Variants in ESRRB observed in about 807,000 individuals in gnomAD.
ESRRB encodes steroid hormone receptor ERR2.
ESRRB carries 16 observed loss-of-function variants against 46.0 expected under a neutral mutation model. The ratio of observed to expected loss-of-function variants is 0.35; its 90% CI spans 0.24 to 0.53. The LOEUF is 0.53. Among genes scored for constraint, ESRRB ranks in the 20% least tolerant of loss-of-function variants. The pLI, the probability that ESRRB is intolerant of heterozygous loss-of-function variation, is 0.93. For synonymous variants in ESRRB, 246 were observed against 259.6 expected (o/e 0.95, Z 0.50); for missense variants, 488 against 607.4 (o/e 0.80, Z 2.07).
At chr14:76,356,536 GAT>G (rs1225752259) in intron 1 of ESRRB, among the ~76,000 whole-genome samples, 1 of 152,178 alleles carries the variant, frequency 6.6e-6, no homozygotes, top group African/African-American at 2.4e-5. Context: ...CCCACAGTCT[GAT>G]TCCTTCTAGC....
rs536006097 is a variant in ESRRB, at chr14:76,386,215, C to T, written c.50+9764C>T. ...ATAGGAAATTTTCCTCTGAACGAAT[C>T]CCTATATTTTCAGTAGGGCTGTCCA... On this transcript the variant is annotated intron_variant, in intron 1 of 6. Transcript: ENST00000644823. Among the ~76,000 whole-genome samples the T allele has an allele frequency of 2.6e-5, 4 of 152,196 alleles. No individual in the cohort carries two copies. The South Asian group carries it at 8.3e-4, about 32-fold the overall frequency.
At chr14:76,438,432 C>T (rs1258817586) in intron 1 of ESRRB, among the ~76,000 whole-genome samples, 1 of 152,024 alleles carries the variant, frequency 6.6e-6, no homozygotes, top group Non-Finnish European at 1.5e-5. Flanking sequence ...GAGGCCGAGG[C>T]GGGTGGATCA....
At chr14:76,461,948 G>A (rs895158767) in intron 2 of ESRRB, among the ~76,000 whole-genome samples, 16 of 152,270 alleles carry the variant, frequency 1.1e-4, no homozygotes, top group African/African-American at 3.4e-4. Context: ...ATGTGGTCTT[G>A]GTTAATTCTT....
At chr14:76,448,523 A>G (rs1555398545) in intron 2 of ESRRB, among the ~76,000 whole-genome samples, 1 of 148,650 alleles carries the variant, frequency 6.7e-6, no homozygotes, top group African/African-American at 2.5e-5. Flanking sequence ...TTTAGTAGAG[A>G]CGGGGTTTCA....
chr14:76,427,302 A>C (rs1276780559), intron 1 of ESRRB, among the ~76,000 whole-genome samples: 3 of 151,860 alleles, frequency 2.0e-5, no homozygotes, highest in Non-Finnish European at 2.9e-5. Flanking sequence ...CAGATATAGG[A>C]TGTCTCTAAG....
chr14:76,358,363 G>A (rs988413081), intron 1 of ESRRB, among the ~76,000 whole-genome samples: 2 of 59,224 alleles, frequency 3.4e-5, no homozygotes, highest in Admixed American at 2.0e-4. Context: ...AAGAAAGAAA[G>A]AAAGAAAGAA....
chr14:76,464,131 C>T (rs906144344), intron 3 of ESRRB, among the ~76,000 whole-genome samples: 3 of 152,142 alleles, frequency 2.0e-5, no homozygotes, highest in Admixed American at 6.5e-5. Flanking sequence ...TTTTAAGCTC[C>T]GGGCCTGGAA....
chr14:76,340,732 A>T (rs1401394188), intron 1 of ESRRB, among the ~76,000 whole-genome samples: 1 of 152,210 alleles, frequency 6.6e-6, no homozygotes, highest in Non-Finnish European at 1.5e-5. Flanking sequence ...TTTCCTGCTT[A>T]GCTGTGTTGA....
chr14:76,400,775 G>A (rs1023693490), intron 1 of ESRRB, among the ~76,000 whole-genome samples: 2 of 152,148 alleles, frequency 1.3e-5, no homozygotes, highest in African/African-American at 2.4e-5. Flanking sequence ...GTTTATATCC[G>A]CCATCCTCCA....
chr14:76,402,513 C>G (rs1885986112), intron 1 of ESRRB, among the ~76,000 whole-genome samples: 2 of 152,152 alleles, frequency 1.3e-5, no homozygotes, highest in African/African-American at 4.8e-5. Flanking sequence ...ACTCTGGGAA[C>G]TATCCATTGG....
intron 1 of ESRRB, among the ~76,000 whole-genome samples, chr14:76,403,283 C>T (rs1886019577): frequency 6.6e-6 from 1 of 152,184 alleles, no homozygotes; most frequent in African/African-American, 2.4e-5. Context: ...GGATTTGAAC[C>T]TAGTCCTGTC....
chr14:76,404,056 A>T (rs746839225), intron 1 of ESRRB, among the ~76,000 whole-genome samples: 1 of 152,088 alleles, frequency 6.6e-6, no homozygotes, highest in Non-Finnish European at 1.5e-5. Context: ...CATTGGTGTG[A>T]CTTGGACAAG....
At chr14:76,434,694 A>T (rs896581314) in intron 1 of ESRRB, among the ~76,000 whole-genome samples, 1 of 151,962 alleles carries the variant, frequency 6.6e-6, no homozygotes, top group Admixed American at 6.6e-5. Flanking sequence ...GAAAAAGAAA[A>T]AGAGCAGTGA....
chr14:76,493,315 C>G, intron 6 of ESRRB, among the ~76,000 whole-genome samples: 1 of 152,086 alleles, frequency 6.6e-6, no homozygotes. Flanking sequence ...CCGCCACACT[C>G]AGCTAATTTT....
intron 3 of ESRRB, among the ~76,000 whole-genome samples, chr14:76,469,287 G>A (rs1889259086): frequency 6.6e-6 from 1 of 152,024 alleles, no homozygotes; most frequent in African/African-American, 2.4e-5. Context: ...TAGAGACAGG[G>A]TTTCACCATG....
At chr14:76,344,328 A>G (rs754607649) in intron 1 of ESRRB, among the ~76,000 whole-genome samples, 19 of 152,120 alleles carry the variant, frequency 1.2e-4, no homozygotes, top group Non-Finnish European at 2.6e-4. Context: ...TTACATGAAT[A>G]AATTCTTTAG....
At chr14:76,403,246 T>C (rs182400368) in intron 1 of ESRRB, among the ~76,000 whole-genome samples, 3 of 152,368 alleles carry the variant, frequency 2.0e-5, no homozygotes, top group African/African-American at 7.2e-5. Flanking sequence ...CACAGAGTTG[T>C]GTGACTTTCT....
At chr14:76,465,468 G>T (rs1360895769) in intron 3 of ESRRB, among the ~76,000 whole-genome samples, 1 of 152,192 alleles carries the variant, frequency 6.6e-6, no homozygotes, top group Non-Finnish European at 1.5e-5. Context: ...GCCCACAATT[G>T]ACCGGTGGCC....
upstream of ESRRB, among the ~76,000 whole-genome samples, chr14:76,368,190 G>A (rs1275858682): frequency 2.8e-5 from 4 of 142,656 alleles, no homozygotes; most frequent in Non-Finnish European, 3.0e-5. Flanking sequence ...AACCAGGATC[G>A]TCTCAATCTC....
Sources: allele counts gnomAD v4.1 joint callset (sites outside exome capture counted in the v4.1 genomes callset), GRCh38; gene constraint gnomAD v4.1.1; transcripts MANE v1.5; gene names NCBI Gene and HGNC (gene_info 2026-07-23, HGNC 2026-07-21).